Variants in MEMO1 observed in about 807,000 individuals in gnomAD.
MEMO1 encodes the protein protein MEMO1.
MEMO1 carries 6 observed loss-of-function variants against 45.2 expected under a neutral mutation model. The ratio of observed to expected loss-of-function variants is 0.13; its 90% confidence interval spans 0.07 to 0.26. MEMO1 has a LOEUF of 0.26. MEMO1 is among the 10% of genes least tolerant of loss of function. The probability of loss-of-function intolerance (pLI) is 1.00; values close to 1 mark genes in which losing one functional copy is unlikely to be tolerated. For missense variants in MEMO1, 184 were observed against 370.5 expected, an observed-to-expected ratio of 0.50 and a Z score of 4.13; for synonymous variants, 78 against 124.3, an observed-to-expected ratio of 0.63 and a Z score of 2.48.
chr2:31,875,656 T>C (rs890722167), intron 8 of MEMO1, among the ~76,000 whole-genome samples: 1 of 152,074 alleles, frequency 6.6e-6, no homozygotes, highest in Non-Finnish European at 1.5e-5. Context: ...TCCCTTGAAC[T>C]TCTGCCAATG....
At chr2:31,934,450 C>A (rs187727373) in intron 3 of MEMO1, among the ~76,000 whole-genome samples, 2 of 148,316 alleles carry the variant, frequency 1.3e-5, no homozygotes, top group East Asian at 2.0e-4. Context: ...GGTGACTGAG[C>A]GAGACTTTAT....
intron 2 of MEMO1, among the ~76,000 whole-genome samples, chr2:31,962,334 G>A (rs1668102215): frequency 6.6e-6 from 1 of 152,212 alleles, no homozygotes; most frequent in African/African-American, 2.4e-5. Context: ...AGGCTGCAGT[G>A]AGCCAAGATC....
At chr2:31,929,659 C>T (rs1405772682) in intron 4 of MEMO1, among the ~76,000 whole-genome samples, 4 of 152,032 alleles carry the variant, frequency 2.6e-5, no homozygotes, top group Admixed American at 2.6e-4. Flanking sequence ...TATTTGTACC[C>T]CCCACCCACT....
intron 2 of MEMO1, among the ~76,000 whole-genome samples, chr2:31,968,134 T>TAA (rs1668853771): frequency 6.6e-6 from 1 of 152,150 alleles, no homozygotes; most frequent in Non-Finnish European, 1.5e-5. Flanking sequence ...CTGTGCTTAA[T>TAA]AAAAATTAAG....
chr2:32,007,555 T>C (rs560137791), intron 2 of MEMO1, among the ~76,000 whole-genome samples: 1 of 152,240 alleles, frequency 6.6e-6, no homozygotes, highest in African/African-American at 2.4e-5. Flanking sequence ...CACACTTTTT[T>C]TCTGAAATAG....
At chr2:31,870,083 T>C in intron 8 of MEMO1, 131 bp from the exon 9 acceptor site, 1 of 716,220 alleles carries the variant, frequency 1.4e-6, no homozygotes, top group Non-Finnish European at 2.0e-6. Context: ...GAAAACAGAT[T>C]AAATAAACCT....
intron 2 of MEMO1, among the ~76,000 whole-genome samples, chr2:31,953,135 A>G (rs1667019650): frequency 6.6e-6 from 1 of 152,058 alleles, no homozygotes; most frequent in East Asian, 1.9e-4. Context: ...TTGGGAGGCC[A>G]AAGTGGGCGG....
intron 4 of MEMO1, among the ~76,000 whole-genome samples, chr2:31,922,936 T>C (rs1682534994): frequency 6.6e-6 from 1 of 152,140 alleles, no homozygotes; most frequent in African/African-American, 2.4e-5. Flanking sequence ...AGTGAACACA[T>C]GTGTACATAT....
chr2:31,896,128 C>T (rs1004378258), intron 6 of MEMO1, among the ~76,000 whole-genome samples: 4 of 152,036 alleles, frequency 2.6e-5, no homozygotes, highest in Non-Finnish European at 4.4e-5. Context: ...CAGGCGTGAG[C>T]CACCGTGCCT....
intron 2 of MEMO1, among the ~76,000 whole-genome samples, chr2:31,950,197 A>T (rs971787720): frequency 6.6e-6 from 1 of 152,038 alleles, no homozygotes; most frequent in African/African-American, 2.4e-5. Flanking sequence ...CCTGGCCAAC[A>T]TGGCAAAACC....
chr2:31,935,699 T>C (rs895437509), intron 3 of MEMO1, among the ~76,000 whole-genome samples: 10 of 152,026 alleles, frequency 6.6e-5, no homozygotes, highest in African/African-American at 2.4e-4. Context: ...ATGAAGAAAA[T>C]CAGAATAATG....
intron 2 of MEMO1, among the ~76,000 whole-genome samples, chr2:31,972,724 A>C (rs1669557527): frequency 6.6e-6 from 1 of 152,176 alleles, no homozygotes; most frequent in African/African-American, 2.4e-5. Flanking sequence ...AAAAAAGCTA[A>C]GACAACCTAC....
At chr2:31,957,041 C>A (rs926045030) in intron 2 of MEMO1, among the ~76,000 whole-genome samples, 1 of 151,254 alleles carries the variant, frequency 6.6e-6, no homozygotes, top group Admixed American at 6.6e-5. Context: ...ACTCGGGAGG[C>A]TGAAGCAGGA....
intron 6 of MEMO1, among the ~76,000 whole-genome samples, chr2:31,909,627 G>A (rs1680270943): frequency 6.6e-6 from 1 of 152,102 alleles, no homozygotes; most frequent in Non-Finnish European, 1.5e-5. Flanking sequence ...TAAAAAACTG[G>A]ATAGATATCC....
intron 2 of MEMO1, among the ~76,000 whole-genome samples, chr2:31,991,723 C>G (rs999911703): frequency 4.6e-5 from 7 of 151,816 alleles, no homozygotes; most frequent in Non-Finnish European, 7.4e-5. Context: ...CTCAGAAAAA[C>G]AAAAAATCTT....
intron 2 of MEMO1, among the ~76,000 whole-genome samples, chr2:31,999,055 C>T (rs550648977): frequency 1.3e-5 from 2 of 152,308 alleles, no homozygotes; most frequent in East Asian, 1.9e-4. Context: ...ATAACCATGA[C>T]TCCTTTCTTT....
chr2:31,999,674 A>G (rs1031240350), intron 2 of MEMO1, among the ~76,000 whole-genome samples: 1 of 152,108 alleles, frequency 6.6e-6, no homozygotes, highest in African/African-American at 2.4e-5. Flanking sequence ...TGTCTCAAAA[A>G]GTCTCCAGCC....
rs567490488 is a variant in MEMO1, at chr2:31,984,793, G to A, written c.61+25394C>T. 1.4e-4 allele frequency among the ~76,000 whole-genome samples: 22 copies of A among 152,210 alleles called. No individual in the cohort carries two copies. The South Asian group carries it at 1.9e-3, about 13-fold the overall frequency. ...TGCACTCCAGCCTGGGCGACAGAGC[G>A]AGACTCCGTCTCAAACCAAAAAAAA... On this transcript the variant is annotated intron_variant, in intron 2 of 9. Transcript: ENST00000404530.
chr2:31,871,067 AT>A (rs1441249410), intron 8 of MEMO1, among the ~76,000 whole-genome samples: 1 of 152,204 alleles, frequency 6.6e-6, no homozygotes, highest in Non-Finnish European at 1.5e-5. Flanking sequence ...ATACATTCAA[AT>A]AATGTATTTA....
Sources: gnomAD v4.1 joint callset for allele counts (sites outside exome capture counted in the v4.1 genomes callset) on GRCh38, gnomAD v4.1.1 for gene constraint, MANE v1.5 for transcripts, NCBI Gene and HGNC (gene_info 2026-07-23, HGNC 2026-07-21) for gene names.